Variants in AZI2 observed in about 807,000 individuals in gnomAD.
AZI2 encodes 5-azacytidine-induced protein 2.
Under a neutral mutation model 45.8 loss-of-function variants are expected in AZI2, and 22 were observed. The observed-to-expected ratio is 0.48, with a 90% CI of 0.34 to 0.69. The LOEUF (loss-of-function observed/expected upper bound fraction) is 0.69, where lower values mean the gene tolerates loss of function less well. Ranked by LOEUF, AZI2 falls within the 30% of genes least tolerant of loss-of-function variation. The pLI is 0.01. For synonymous variants in AZI2, 137 were observed against 156.7 expected (o/e 0.87, Z 0.94); for missense variants, 417 against 441.5 (o/e 0.94, Z 0.50).
intron 6 of AZI2, 128 bp downstream of exon 6, chr3:28,332,241 A>G (rs1703607440): frequency 2.7e-6 from 2 of 739,546 alleles, no homozygotes; most frequent in Non-Finnish European, 2.2e-6. Flanking sequence ...ATCAGAGGTT[A>G]CATCAGTATC....
intron 1 of AZI2, among the ~76,000 whole-genome samples, chr3:28,346,436 G>A (rs1486299193): frequency 6.6e-6 from 1 of 152,036 alleles, no homozygotes; most frequent in African/African-American, 2.4e-5. Context: ...AAAAGGTATG[G>A]TACACACATT....
At chr3:28,325,280 G>GT (rs754414867) in intron 7 of AZI2, 11 of 151,048 alleles carry the variant, frequency 7.3e-5, no homozygotes, top group Non-Finnish European at 1.2e-4. Context: ...GTGTGGAAAG[G>GT]TAAGTTTATC....
rs199689770 is a variant in AZI2, at chr3:28,324,282, T to C, written c.939A>G (p.Lys313=). ...TGTCTGTCCATGATTGGAGGATTGC[T>C]TTCTCTGATAAAACCTTTACATCTC... is the stretch of plus-strand genomic sequence containing the variant. ...LPGDVKVLSE[K]AILQSWTDNE... is the part of the protein sequence containing the mutation. The change falls in exon 8 of 8, where the codon AAA becomes AAG. Residue 313 remains lysine, a synonymous_variant. Coordinates refer to ENST00000479665, the MANE Select transcript of AZI2 (RefSeq NM_022461.5). 1.8e-4 allele frequency: 287 copies of C among 1,608,792 alleles called. No homozygotes were observed. Among genetic ancestry groups the C allele is most frequent in the Non-Finnish European group, 2.8e-5 (33 of 1,176,532 alleles).
rs76430272 is a variant in AZI2 at position 28,325,445 on chromosome 3, G to A, written c.767-991C>T. 2.0e-5 allele frequency among the ~76,000 whole-genome samples: 3 copies of A among 150,910 alleles called. No individual in the cohort carries two copies. The South Asian group carries it at 6.2e-4, about 31-fold the overall frequency. ...ACTGGAAGTGTAGTGTTTGGCTTTGGAAAAAAGGTGATACAAAGGTCAGGA... is the reference window on the plus strand; with the variant it reads ...ACTGGAAGTGTAGTGTTTGGCTTTGAAAAAAAGGTGATACAAAGGTCAGGA... On this transcript the variant is annotated intron_variant, in intron 7 of 7. Transcript: ENST00000479665.
chr3:28,324,601 G>T, intron 7 of AZI2, 147 bp from the exon 8 acceptor site: 1 of 616,964 alleles, frequency 1.6e-6, no homozygotes. Flanking sequence ...GTGACTAGGA[G>T]ATAAATGACA....
intron 1 of AZI2, among the ~76,000 whole-genome samples, chr3:28,345,093 T>C (rs182616542): frequency 2.9e-4 from 44 of 152,276 alleles, no homozygotes; most frequent in Non-Finnish European, 7.4e-5. Context: ...CTCTGCATTC[T>C]GTTAAAAAAT....
rs367925539 is a variant in AZI2 at position 28,324,248 on chromosome 3, A to G, written c.973T>C (p.Ser325Pro). ...ILQSWTDNER[S>P]IPNDGTCFQE... The stretch of plus-strand genomic sequence containing the variant: ...AAGCATGTACCATCATTAGGAATGG[A>G]TCTCTCATTGTCTGTCCATGATTGG... Residue 325 changes from serine to proline, a missense_variant, in exon 8 of 8, where the codon TCC becomes CCC. Transcript: ENST00000479665. 5.0e-6 allele frequency: 8 copies of G among 1,610,262 alleles called. No homozygotes were observed. In the Admixed American group the frequency reaches 1.2e-4, roughly 24 times the overall value.
At chr3:28,343,794 C>T (rs542091159) in intron 1 of AZI2, among the ~76,000 whole-genome samples, 7 of 152,056 alleles carry the variant, frequency 4.6e-5, no homozygotes, top group Non-Finnish European at 8.8e-5. Context: ...CAAAATCTTA[C>T]ACTCCTACAA....
chr3:28,339,818 AC>A (rs1489180764), intron 2 of AZI2, among the ~76,000 whole-genome samples: 1 of 152,182 alleles, frequency 6.6e-6, no homozygotes, highest in Admixed American at 6.5e-5. Context: ...TATTCCTCAT[AC>A]ATAAAGCCAA....
intron 1 of AZI2, among the ~76,000 whole-genome samples, chr3:28,344,774 CTT>C (rs971215757): frequency 3.9e-5 from 6 of 152,064 alleles, no homozygotes; most frequent in African/African-American, 4.8e-5. Flanking sequence ...AATAATAAAT[CTT>C]TGTTAGCATT....
At chr3:28,327,828 T>C (rs963613496) in intron 6 of AZI2, among the ~76,000 whole-genome samples, 2 of 150,724 alleles carry the variant, frequency 1.3e-5, no homozygotes, top group Non-Finnish European at 3.0e-5. Flanking sequence ...CACAAAATAT[T>C]AAATGTAAGA....
chr3:28,332,012 G>A, intron 6 of AZI2: 2 of 986,074 alleles, frequency 2.0e-6, no homozygotes, highest in East Asian at 2.6e-5. Flanking sequence ...GACTAACAAT[G>A]GCCAAGTAGG....
rs1703270655 is a variant in AZI2 at position 28,323,771 on chromosome 3, G to A, written c.*271C>T. 3.9e-6 allele frequency: 1 copy of A among 257,366 alleles called. No homozygotes were observed. Among genetic ancestry groups the A allele is most frequent in the South Asian group, 1.6e-4 (1 of 6,360 alleles). The allele number at this position is 257,366 out of a possible 1,614,324, so 15.9% of individuals were successfully genotyped here. A position where few individuals can be genotyped will look rare whatever the true frequency, so the allele number is the denominator to read the frequency against. Reference sequence around the variant, plus strand: ...GCAAAATTTTACAATTAATATAGAAGGCAGAGTTTTTTAAACACCTTAAGT... The same window carrying A: ...GCAAAATTTTACAATTAATATAGAAAGCAGAGTTTTTTAAACACCTTAAGT... On this transcript the variant is annotated 3_prime_UTR_variant, in exon 8 of 8. Coordinates refer to ENST00000479665, the MANE Select transcript of AZI2 (RefSeq NM_022461.5).
At position 28,348,764 on chromosome 3, in the gene AZI2, C is replaced by G. The variant is rs1443137844; in HGVS notation, c.-169G>C. 1.1e-5 allele frequency: 2 copies of G among 174,132 alleles called. No homozygotes were observed. Among genetic ancestry groups the G allele is most frequent in the East Asian group, 3.8e-4 (2 of 5,228 alleles). 10.8% of individuals were successfully genotyped at this position (174,132 alleles called of 1,614,324 possible). On this transcript the variant is annotated 5_prime_UTR_variant, in exon 1 of 8. Transcript: ENST00000479665. ...ACAGCGAAGGGAGCTGCTCCGGGCACGTCGCGGAGGGAGTCCCATTTCTTC... is the reference window on the plus strand; with the variant it reads ...ACAGCGAAGGGAGCTGCTCCGGGCAGGTCGCGGAGGGAGTCCCATTTCTTC...
intron 1 of AZI2, among the ~76,000 whole-genome samples, chr3:28,346,924 C>G (rs537573225): frequency 6.6e-6 from 1 of 152,172 alleles, no homozygotes; most frequent in Non-Finnish European, 1.5e-5. Context: ...TGAAGAAAAA[C>G]TCCAGTTCCA....
chr3:28,325,057 T>C (rs1433142962), intron 7 of AZI2: 1 of 150,160 alleles, frequency 6.7e-6, no homozygotes, highest in African/African-American at 2.4e-5. Context: ...TAAATAAAAT[T>C]TGTGAAATCT....
Position 28,332,452 on chromosome 3 carries a change from G to GT in AZI2, c.589-26dup. ...CCTGTCATTTGTTTAAAAAAAAGAA[G>GT]TTTAAAAGTTGTAATTTTTACAATT... On this transcript the variant is annotated intron_variant, in intron 5 of 7. Transcript: ENST00000479665. 3 of 1,588,064 alleles carry GT rather than the reference G, an allele frequency of 1.9e-6. No individual in the cohort carries two copies. The East Asian group carries it at 6.7e-5, about 36-fold the overall frequency.
At chr3:28,336,933 G>A in intron 4 of AZI2, 48 bp from the exon 5 acceptor site, 1 of 1,571,010 alleles carries the variant, frequency 6.4e-7, no homozygotes. Flanking sequence ...CTTCTACATT[G>A]ACTGCAATTC....
chr3:28,331,553 G>GT (rs988114821), intron 6 of AZI2: 14 of 867,630 alleles, frequency 1.6e-5, no homozygotes, highest in Middle Eastern at 5.6e-4. Context: ...AAGAGTGGCT[G>GT]TATCTCATTT....
Sources: gnomAD v4.1 joint callset for allele counts (sites outside exome capture counted in the v4.1 genomes callset) on GRCh38, gnomAD v4.1.1 for gene constraint, MANE v1.5 for transcripts, NCBI Gene and HGNC (gene_info 2026-07-23, HGNC 2026-07-21) for gene names.